GTF2IRD1: variants seen among roughly 807,000 people sequenced by gnomAD.
GTF2IRD1 encodes the protein general transcription factor II-I repeat domain-containing protein 1.
A neutral mutation model predicts 113.2 loss-of-function variants in GTF2IRD1; 26 were observed. That is an observed-to-expected ratio of 0.23 (90% CI 0.17 to 0.32). GTF2IRD1 has a LOEUF of 0.32. Ranked by LOEUF, GTF2IRD1 falls within the 10% of genes least tolerant of loss-of-function variation. The pLI is 1.00. For missense variants in GTF2IRD1, 864 were observed against 1,280.8 expected (o/e 0.67, Z 4.97); for synonymous variants, 484 against 529.1 (o/e 0.91, Z 1.17).
intron 11 of GTF2IRD1, among the ~76,000 whole-genome samples, 197 bp from the exon 12 acceptor site, chr7:74,537,939 C>G (rs1554350609): frequency 1.3e-5 from 2 of 152,170 alleles, no homozygotes; most frequent in East Asian, 1.9e-4. Flanking sequence ...GATTGTGGTC[C>G]CTGGAGACAA....
chr7:74,457,067 T>G (rs1255933132), intron 1 of GTF2IRD1, among the ~76,000 whole-genome samples: 2 of 151,942 alleles, frequency 1.3e-5, no homozygotes, highest in African/African-American at 4.8e-5. Context: ...CACAGCTCAC[T>G]GCAGCCTCGA....
intron 1 of GTF2IRD1, among the ~76,000 whole-genome samples, chr7:74,505,051 G>A (rs1452003442): frequency 6.6e-6 from 1 of 151,988 alleles, no homozygotes; most frequent in Non-Finnish European, 1.5e-5. Context: ...ACAGGGTCTT[G>A]CTGTGTCACC....
chr7:74,535,486 A>G (rs1798239383), intron 10 of GTF2IRD1, among the ~76,000 whole-genome samples: 1 of 152,032 alleles, frequency 6.6e-6, no homozygotes, highest in Non-Finnish European at 1.5e-5. Context: ...AGGTGGCTCC[A>G]CTCCACTACT....
intron 1 of GTF2IRD1, among the ~76,000 whole-genome samples, chr7:74,504,094 CT>C (rs1457843219): frequency 6.6e-6 from 1 of 152,110 alleles, no homozygotes; most frequent in African/African-American, 2.4e-5. Context: ...TGATTTTGTT[CT>C]TTTTTATGGC....
chr7:74,515,487 G>C lies in GTF2IRD1; in HGVS notation c.312G>C (p.Val104=). 1.9e-6 allele frequency: 3 copies of C among 1,610,740 alleles called. No individual in the cohort carries two copies. The highest frequency in any genetic ancestry group is 2.5e-6 in the Non-Finnish European group (3 of 1,178,294). Residue 104 remains valine, a synonymous_variant, in exon 4 of 27, where the codon GTG becomes GTC. Transcript: ENST00000424337. ...KDPEAEHPKK[V]QRGEGGGRSL... is the part of the protein sequence containing the mutation. The stretch of plus-strand genomic sequence containing the variant: ...CGGAGGCAGAGCACCCCAAGAAGGT[G>C]CAGCGGGGCGAGGGTGGAGGCCGTA...
intron 9 of GTF2IRD1, among the ~76,000 whole-genome samples, chr7:74,533,539 C>G (rs905694315): frequency 6.6e-6 from 1 of 152,180 alleles, no homozygotes; most frequent in Non-Finnish European, 1.5e-5. Context: ...CTTGTCATGA[C>G]CATTGGGGCA....
chr7:74,582,965 G>C (rs587725028), intron 22 of GTF2IRD1, among the ~76,000 whole-genome samples: 75 of 150,812 alleles, frequency 5.0e-4, no homozygotes, highest in Admixed American at 8.0e-4. Flanking sequence ...ATGACAGCAA[G>C]ACCCTGTCTC....
At chr7:74,491,265 T>C (rs1416931897) in intron 1 of GTF2IRD1, among the ~76,000 whole-genome samples, 1 of 150,386 alleles carries the variant, frequency 6.6e-6, no homozygotes, top group African/African-American at 2.4e-5. Flanking sequence ...GAGATCCCAC[T>C]GCTGCACTCC....
At chr7:74,558,364 T>G (rs868910308) in intron 20 of GTF2IRD1, among the ~76,000 whole-genome samples, 12 of 121,258 alleles carry the variant, frequency 9.9e-5, no homozygotes, top group Admixed American at 1.7e-4. Context: ...TTTTTTTTTT[T>G]TTTTTTTTTT....
intron 8 of GTF2IRD1, among the ~76,000 whole-genome samples, chr7:74,524,827 T>C (rs1184953325): frequency 6.6e-6 from 1 of 152,158 alleles, no homozygotes; most frequent in Non-Finnish European, 1.5e-5. Flanking sequence ...ATCGTGGCAT[T>C]GCACTTCAGC....
chr7:74,485,548 C>T (rs192328887), intron 1 of GTF2IRD1, among the ~76,000 whole-genome samples: 3,348 of 151,120 alleles, frequency 0.022, 121 homozygotes, highest in African/African-American at 0.076. Flanking sequence ...ACCCAGGAGG[C>T]GGAGCTTGCA....
chr7:74,456,115 C>T (rs1399471416), intron 1 of GTF2IRD1, among the ~76,000 whole-genome samples: 3 of 152,148 alleles, frequency 2.0e-5, no homozygotes, highest in South Asian at 2.1e-4. Flanking sequence ...AGGTGGTAGT[C>T]GTCAGCACTT....
chr7:74,541,911 AATAG>A (rs58094935), intron 14 of GTF2IRD1, among the ~76,000 whole-genome samples: 9,020 of 150,076 alleles, frequency 0.06, 819 homozygotes, highest in African/African-American at 0.2. Flanking sequence ...AAAATAACTA[AATAG>A]ATAGATAGAT....
At position 74,453,990 on chromosome 7, in the gene GTF2IRD1, A is replaced by AT. The variant is rs1351907693; in HGVS notation, c.-191dup. Reference sequence around the variant, plus strand: ...CGAGCGCCAGCCCCCCGGCCGGCCGATTCCCCCCCCGCGCCCCCTCCCCGC... The same window carrying AT: ...CGAGCGCCAGCCCCCCGGCCGGCCGATTTCCCCCCCCGCGCCCCCTCCCCGC... On this transcript the variant is annotated 5_prime_UTR_variant, in exon 1 of 27. Transcript: ENST00000424337. 5.7e-5 allele frequency: 8 copies of AT among 140,992 alleles called. No individual in the cohort carries two copies. The highest frequency in any genetic ancestry group is 1.1e-4 in the African/African-American group (4 of 37,978). 8.7% of individuals were successfully genotyped at this position (140,992 alleles called of 1,614,324 possible).
In GTF2IRD1 at chr7:74,529,817, A is replaced by G; in HGVS notation, c.1174A>G (p.Ile392Val). The G allele has an allele frequency of 6.2e-7, 1 of 1,613,744 alleles. No homozygotes were observed. ...CCCGGAGGCTGTGGAGATCGTGGGC[A>G]TCCCGGACAAGATCCCCTTCAAGCG... ...CDPEAVEIVGIPDKIPFKRPC... is the reference protein window; with the variant it reads ...CDPEAVEIVGVPDKIPFKRPC... The change falls in exon 9 of 27, where the codon ATC (isoleucine) becomes GTC (valine). Residue 392 changes from isoleucine to valine, a missense_variant. Physicochemically the swap from Ile to Val is conservative, Grantham distance 29. Around this residue, in one of 7 missense-constraint regions of GTF2IRD1, gnomAD observed 218 missense variants for 352.6 expected, o/e 0.62. Coordinates refer to ENST00000424337, the MANE Select transcript of GTF2IRD1 (RefSeq NM_005685.4).
chr7:74,547,198 A>T lies in GTF2IRD1; in HGVS notation c.1828A>T (p.Ile610Phe). Reference protein sequence around the residue: ...ELFVVGLPEGISLRRPNCFGI... With the variant: ...ELFVVGLPEGFSLRRPNCFGI... ...GTTTGTGGTGGGACTGCCTGAAGGC[A>T]TCTCCCTCCGCAGGCCCAACTGCTT... is the stretch of plus-strand genomic sequence containing the variant. Residue 610 changes from isoleucine to phenylalanine, a missense_variant, in exon 17 of 27, where the codon ATC becomes TTC. This residue lies in a region of GTF2IRD1 where 195 missense variants were observed against 359.1 expected (regional missense o/e 0.54). Coordinates refer to ENST00000424337, the MANE Select transcript of GTF2IRD1 (RefSeq NM_005685.4). The T allele has an allele frequency of 6.2e-7, 1 of 1,613,704 alleles. No individual in the cohort carries two copies. Among genetic ancestry groups the T allele is most frequent in the Non-Finnish European group, 8.5e-7 (1 of 1,179,818 alleles).
chr7:74,585,011 A>G (rs1554367298), intron 22 of GTF2IRD1, among the ~76,000 whole-genome samples: 1 of 151,728 alleles, frequency 6.6e-6, no homozygotes, highest in African/African-American at 2.4e-5. Flanking sequence ...CACGTTGGAC[A>G]GGCTGGTCTC....
At chr7:74,507,942 C>T in intron 1 of GTF2IRD1, 133 bp from the exon 2 acceptor site, 5 of 956,498 alleles carry the variant, frequency 5.2e-6, no homozygotes. Flanking sequence ...GCCCTTGGGC[C>T]CAGGGAAGGT....
intron 13 of GTF2IRD1, among the ~76,000 whole-genome samples, chr7:74,539,308 TGTG>T (rs1341628829): frequency 6.6e-6 from 1 of 151,754 alleles, no homozygotes; most frequent in Non-Finnish European, 1.5e-5. Context: ...ATTAGCCAGA[TGTG>T]GTGGTGTGTG....
Sources: gnomAD v4.1 joint callset for allele counts (sites outside exome capture counted in the v4.1 genomes callset) on GRCh38, gnomAD v4.1.1 for gene constraint, gnomAD v4.1.1 regional missense constraint, MANE v1.5 for transcripts, NCBI Gene and HGNC (gene_info 2026-07-23, HGNC 2026-07-21) for gene names.